DNAH2: variants seen among roughly 807,000 people sequenced by gnomAD.
DNAH2 encodes the protein dynein axonemal heavy chain 2.
DNAH2 carries 323 observed loss-of-function variants against 523.5 expected under a neutral mutation model. That is an observed-to-expected ratio of 0.62 (90% confidence interval 0.56 to 0.68). DNAH2 has a LOEUF of 0.68. DNAH2 is among the 30% of genes least tolerant of loss of function. The pLI is 0.00. For synonymous variants in DNAH2, 2,093 were observed against 2,177.4 expected (o/e 0.96, Z 1.08); for missense variants, 4,907 against 5,701.5 (o/e 0.86, Z 4.49).
At chr17:7,782,039 T>C (rs1597640352) in intron 39 of DNAH2, among the ~76,000 whole-genome samples, 1 of 152,170 alleles carries the variant, frequency 6.6e-6, no homozygotes, top group Admixed American at 6.5e-5. Context: ...AAAGGAAGAA[T>C]TCCAGGAGTT....
chr17:7,762,656 G>T (rs907125025), intron 18 of DNAH2, among the ~76,000 whole-genome samples: 1 of 150,682 alleles, frequency 6.6e-6, no homozygotes, highest in African/African-American at 2.5e-5. Context: ...GATTTCAACA[G>T]GCAGAGATGG....
At chr17:7,756,076 C>A (rs973831144) in intron 12 of DNAH2, among the ~76,000 whole-genome samples, 5 of 151,736 alleles carry the variant, frequency 3.3e-5, no homozygotes, top group African/African-American at 1.2e-4. Flanking sequence ...CCCACCTCTA[C>A]TAAAGATACA....
intron 12 of DNAH2, among the ~76,000 whole-genome samples, chr17:7,749,308 C>CAAAA (rs57660603): frequency 0.18 from 3,075 of 17,512 alleles, 1,361 homozygotes; most frequent in Middle Eastern, 0.25. Flanking sequence ...AACTCCCCCC[C>CAAAA]AAAAAAAAAA....
rs374247342 is a variant in DNAH2, at chr17:7,758,668, A to C, written c.2208+17A>C. Reference sequence around the variant, plus strand: ...GCCAGCAAGGTGGGCCATGGTCCTTAGACCCTAAAGGTCTGCAAGGCTGAT... The same window carrying C: ...GCCAGCAAGGTGGGCCATGGTCCTTCGACCCTAAAGGTCTGCAAGGCTGAT... On this transcript the variant is annotated intron_variant, in intron 14 of 85. Transcript: ENST00000572933. The C allele has an allele frequency of 1.2e-4, 185 of 1,608,382 alleles. No homozygotes were observed. The highest frequency in any genetic ancestry group is 5.4e-4 in the East Asian group (24 of 44,786).
rs535521295 is a variant in DNAH2 at position 7,810,351 on chromosome 17, C to G, written c.9729+2765C>G. Among the ~76,000 whole-genome samples, 59 of 152,146 alleles carry G rather than the reference C, an allele frequency of 3.9e-4. No homozygotes were observed. In the Middle Eastern group the frequency reaches 0.01, roughly 26 times the overall value. On this transcript the variant is annotated intron_variant, in intron 63 of 85. Transcript: ENST00000572933. ...AGTTGCTAGGATTACAAGGGTGAGCCACCCCACCTGGCCCAAATATACCCT... is the reference window on the plus strand; with the variant it reads ...AGTTGCTAGGATTACAAGGGTGAGCGACCCCACCTGGCCCAAATATACCCT...
rs2076585755 is a variant in DNAH2 at position 7,780,836 on chromosome 17, T to C, written c.6003+54T>C. 6.2e-7 allele frequency: 1 copy of C among 1,610,396 alleles called. No individual in the cohort carries two copies. Among genetic ancestry groups the C allele is most frequent in the Admixed American group, 1.7e-5 (1 of 59,964 alleles). ...GACTTCCACTGTCACTGGACCTATG[T>C]CACTTCTCTCAAGTCTTTCAGACCC... On this transcript the variant is annotated intron_variant, in intron 38 of 85. Transcript: ENST00000572933. This position sits in a 1 kb window ranked among gnomAD's most constrained non-coding sequence, Gnocchi z 4.4.
At chr17:7,770,170 A>G in intron 24 of DNAH2, 82 bp from the exon 25 acceptor site, 1 of 1,461,966 alleles carries the variant, frequency 6.8e-7, no homozygotes. Flanking sequence ...GTAACTATGC[A>G]GAATCATAGT....
Position 7,793,029 on chromosome 17 carries a change from C to A in DNAH2, c.7393C>A (p.Arg2465=). 6.2e-7 allele frequency: 1 copy of A among 1,613,968 alleles called. No individual in the cohort carries two copies. Among genetic ancestry groups the A allele is most frequent in the Non-Finnish European group, 8.5e-7 (1 of 1,179,862 alleles). ...CATCATTGAGAGCAGGGTTGAGAAG[C>A]GAACCAAGGGTGTCTACGTGCCATT... ...QSIIESRVEK[R]TKGVYVPFGG... is the part of the protein sequence containing the mutation. Residue 2465 remains arginine, a synonymous_variant, in exon 48 of 86, where the codon CGA becomes AGA. Transcript: ENST00000572933.
At position 7,765,493 on chromosome 17, in the gene DNAH2, A is replaced by G. The variant is rs746195876; in HGVS notation, c.3439A>G (p.Thr1147Ala). ...MLKKHKEKFK[T>A]GLIHSADDFK... ...GAAGAAACACAAGGAGAAATTCAAG[A>G]CAGGCCTGATCCACTCGGCAGATGA... The change falls in exon 21 of 86, where the codon ACA (threonine) becomes GCA (alanine). Residue 1147 changes from threonine to alanine, a missense_variant. Physicochemically the swap from Thr to Ala is moderately conservative, Grantham distance 58 (BLOSUM62 0). Around this residue, in one of 3 missense-constraint regions of DNAH2, gnomAD observed 2,806 missense variants for 3,190.8 expected, o/e 0.88. Transcript: ENST00000572933. 6.2e-7 allele frequency: 1 copy of G among 1,614,252 alleles called. No individual in the cohort carries two copies. Among genetic ancestry groups the G allele is most frequent in the African/African-American group, 1.3e-5 (1 of 75,058 alleles).
chr17:7,830,807 T>C lies in DNAH2; in HGVS notation c.12195T>C (p.Tyr4065=), dbSNP rs1462480647. The C allele has an allele frequency of 6.2e-7, 1 of 1,614,084 alleles. No individual in the cohort carries two copies. Among genetic ancestry groups the C allele is most frequent in the East Asian group, 2.2e-5 (1 of 44,886 alleles). The change falls in exon 79 of 86, where the codon TAT becomes TAC. Residue 4065 remains tyrosine (Y), a synonymous_variant. Transcript: ENST00000572933. ...TGCTGACCACCTACATCAATGATTA[T>C]TTCTGTGACCAGTCTCTATCAACTC... ...RRLLTTYIND[Y]FCDQSLSTPF...
intron 24 of DNAH2, 77 bp from the exon 25 acceptor site, chr17:7,770,175 C>T: frequency 6.7e-7 from 1 of 1,495,334 alleles, no homozygotes; most frequent in Non-Finnish European, 8.9e-7. Context: ...TATGCAGAAT[C>T]ATAGTGTCCC....
At chr17:7,771,734 T>C (rs1418016748) in intron 28 of DNAH2, among the ~76,000 whole-genome samples, 1 of 152,134 alleles carries the variant, frequency 6.6e-6, no homozygotes, top group African/African-American at 2.4e-5. Context: ...AATTTTTTTT[T>C]TGAGACAGAG....
At chr17:7,793,568 TTTC>T (rs1434771683) in intron 48 of DNAH2, among the ~76,000 whole-genome samples, 2 of 151,640 alleles carry the variant, frequency 1.3e-5, no homozygotes, top group Admixed American at 1.3e-4. Flanking sequence ...TCTTTCTTTC[TTTC>T]TTTTTTTCTT....
At chr17:7,751,918 G>GGGGT (rs1555544346) in intron 12 of DNAH2, among the ~76,000 whole-genome samples, 1 of 46,650 alleles carries the variant, frequency 2.1e-5, no homozygotes, top group Non-Finnish European at 3.4e-5. Context: ...GAATAGTTGT[G>GGGGT]GGGTGTGTGT....
In DNAH2 at chr17:7,798,958, G is replaced by C. The variant is rs2077145623; in HGVS notation, c.8560-145G>C. ...TTGTAGTTCCAGCTACTCGGGGGTG[G>C]GGGGTGCTGAAGTGGGAGGATGGTT... is the stretch of plus-strand genomic sequence containing the variant. On this transcript the variant is annotated intron_variant, in intron 55 of 85. Coordinates refer to ENST00000572933, the MANE Select transcript of DNAH2 (RefSeq NM_020877.5). This position sits in a 1 kb window ranked among gnomAD's most constrained non-coding sequence, Gnocchi z 5.5. The C allele has an allele frequency of 1.1e-5, 13 of 1,228,324 alleles. No individual in the cohort carries two copies. The highest frequency in any genetic ancestry group is 1.1e-5 in the Non-Finnish European group (10 of 890,422). The allele number at this position is 1,228,324 out of a possible 1,614,324, so 76.1% of individuals were successfully genotyped here. A position where few individuals can be genotyped will look rare whatever the true frequency, so the allele number is the denominator to read the frequency against.
intron 51 of DNAH2, 27 bp from the exon 52 acceptor site, chr17:7,797,373 G>C: frequency 1.2e-6 from 2 of 1,613,822 alleles, no homozygotes; most frequent in Non-Finnish European, 1.7e-6. Context: ...TTTATTCCCC[G>C]ATCTCACCCC....
At chr17:7,771,023 T>C in intron 27 of DNAH2, 90 bp downstream of exon 27, 1 of 1,398,826 alleles carries the variant, frequency 7.1e-7, no homozygotes. Context: ...ATCAGCCTCA[T>C]TCTCCTACCT....
chr17:7,731,694 G>T (rs112905434), intron 4 of DNAH2, among the ~76,000 whole-genome samples: 1 of 151,800 alleles, frequency 6.6e-6, no homozygotes, highest in African/African-American at 2.4e-5. Context: ...TATATTTAAC[G>T]TATGTCATCT....
chr17:7,770,440 T>G, intron 25 of DNAH2, 32 bp downstream of exon 25: 1 of 1,611,604 alleles, frequency 6.2e-7, no homozygotes, highest in Non-Finnish European at 8.5e-7. Context: ...CTCCCACACC[T>G]CCTGCGCCTC....
Sources: gnomAD v4.1 joint callset for allele counts (sites outside exome capture counted in the v4.1 genomes callset) on GRCh38, gnomAD v4.1.1 for gene constraint, gnomAD v4.1.1 regional missense constraint, Gnocchi (gnomAD v3.1) non-coding constraint, MANE v1.5 for transcripts, NCBI Gene and HGNC (gene_info 2026-07-23, HGNC 2026-07-21) for gene names.